SLC38A2: variants seen among roughly 807,000 people sequenced by gnomAD.
SLC38A2 encodes the protein sodium-coupled neutral amino acid symporter 2.
SLC38A2 carries 11 observed loss-of-function variants against 61.5 expected under a neutral mutation model. The ratio of observed to expected loss-of-function variants is 0.18; its 90% CI spans 0.11 to 0.30. The LOEUF (loss-of-function observed/expected upper bound fraction) is 0.30, where lower values mean the gene tolerates loss of function less well. Ranked by LOEUF, SLC38A2 falls within the 10% of genes least tolerant of loss-of-function variation. SLC38A2 has a pLI of 1.00. For missense variants in SLC38A2, 522 were observed against 600.4 expected, an observed-to-expected ratio of 0.87 and a Z score of 1.36; for synonymous variants, 217 against 212.5, an observed-to-expected ratio of 1.02 and a Z score of -0.18.
Position 46,371,309 on chromosome 12 carries a change from G to A in SLC38A2, c.-16C>T, listed in dbSNP as rs759021617. 5 of 1,602,510 alleles carry A rather than the reference G, an allele frequency of 3.1e-6. No homozygotes were observed. In the African/African-American group the frequency reaches 6.7e-5, roughly 21 times the overall value. ...CCTTCTTCATGCTAAGCACTGGGAG[G>A]AATCGGGTGCAGCTAGTAGCGCTGG... is the stretch of plus-strand genomic sequence containing the variant. On this transcript the variant is annotated 5_prime_UTR_variant, in exon 2 of 16. Transcript: ENST00000256689.
rs993649186 is a variant in SLC38A2, at chr12:46,372,742, G to A, written c.-320C>T. The stretch of plus-strand genomic sequence containing the variant: ...GGGCTGCTGCTAGCAGTACTGGAAA[G>A]GCGTTCTAAGGCGGCGGCGTCGCGC... On this transcript the variant is annotated 5_prime_UTR_variant, in exon 1 of 16. Transcript: ENST00000256689. 7.0e-5 allele frequency: 28 copies of A among 398,398 alleles called. No homozygotes were observed. The East Asian group carries it at 8.6e-4, about 12-fold the overall frequency. 24.7% of individuals were successfully genotyped at this position (398,398 alleles called of 1,614,324 possible).
intron 10 of SLC38A2, 56 bp downstream of exon 10, chr12:46,364,333 C>T (rs1289158269): frequency 6.7e-7 from 1 of 1,489,144 alleles, no homozygotes; most frequent in Non-Finnish European, 9.0e-7. Context: ...GAGTGAATAG[C>T]TTCCCTCTTT....
chr12:46,363,721 C>G lies in SLC38A2; in HGVS notation c.1054+5G>C, dbSNP rs201700228. 314 of 1,541,544 alleles carry G rather than the reference C, an allele frequency of 2.0e-4. No individual in the cohort carries two copies. In the African/African-American group the frequency reaches 3.2e-3, roughly 16 times the overall value. On this transcript the variant is annotated splice_donor_5th_base_variant and intron_variant, in intron 12 of 15. Coordinates refer to ENST00000256689, the MANE Select transcript of SLC38A2 (RefSeq NM_018976.5). ...TTTTGTTTTGGTAAAGGAGGCGTTA[C>G]TTACCGTAAAATGTTAGGTATCCAA...
At chr12:46,366,821 T>C in intron 7 of SLC38A2, 43 bp downstream of exon 7, 1 of 1,516,408 alleles carries the variant, frequency 6.6e-7, no homozygotes. Context: ...TAACCACTTT[T>C]GACTATAATT....
intron 4 of SLC38A2, among the ~76,000 whole-genome samples, chr12:46,369,710 CT>C (rs1943174478): frequency 6.6e-6 from 1 of 152,040 alleles, no homozygotes; most frequent in Non-Finnish European, 1.5e-5. Context: ...TGCTTTTTCC[CT>C]GGAAATAAGA....
Position 46,362,834 on chromosome 12 carries a change from T to C in SLC38A2, c.1179+187A>G, listed in dbSNP as rs745360635. 5 of 958,706 alleles carry C rather than the reference T, an allele frequency of 5.2e-6. No homozygotes were observed. In the African/African-American group the frequency reaches 6.7e-5, roughly 13 times the overall value. The allele number at this position is 958,706 out of a possible 1,614,324, so 59.4% of individuals were successfully genotyped here. A position where few individuals can be genotyped will look rare whatever the true frequency, so the allele number is the denominator to read the frequency against. ...CACTTAAAGATCATTTTATATCTTATGGTGAAAAAAATGTCCCCAGGGTAT... is the reference window on the plus strand; with the variant it reads ...CACTTAAAGATCATTTTATATCTTACGGTGAAAAAAATGTCCCCAGGGTAT... On this transcript the variant is annotated intron_variant, in intron 13 of 15. Transcript: ENST00000256689.
In SLC38A2 at chr12:46,367,075, C is replaced by T; in HGVS notation, c.481+1G>A. 6.2e-7 allele frequency: 1 copy of T among 1,613,596 alleles called. No individual in the cohort carries two copies. Among genetic ancestry groups the T allele is most frequent in the South Asian group, 1.1e-5 (1 of 91,048 alleles). On this transcript the variant is annotated splice_donor_variant, in intron 6 of 15. Coordinates refer to ENST00000256689, the MANE Select transcript of SLC38A2 (RefSeq NM_018976.5). LOFTEE classifies it high-confidence loss of function. ...CAAATAATCTTTTGAAAAATTCTTA[C>T]CTCCAATGTTCTGCATTGTAATTGA...
intron 4 of SLC38A2, among the ~76,000 whole-genome samples, chr12:46,368,698 TTC>T (rs1943164340): frequency 6.6e-6 from 1 of 152,194 alleles, no homozygotes; most frequent in South Asian, 2.1e-4. Context: ...TACACTACCA[TTC>T]TAAATGCCAG....
rs1458541708 is a variant in SLC38A2 at position 46,372,746 on chromosome 12, T to G, written c.-324A>C. 1 of 398,120 alleles carries G rather than the reference T, an allele frequency of 2.5e-6. No individual in the cohort carries two copies. Among genetic ancestry groups the G allele is most frequent in the African/African-American group, 2.1e-5 (1 of 48,568 alleles). 24.7% of individuals were successfully genotyped at this position (398,120 alleles called of 1,614,324 possible). A position where few individuals can be genotyped will look rare whatever the true frequency, so the allele number is the denominator to read the frequency against. The stretch of plus-strand genomic sequence containing the variant: ...TGCTGCTAGCAGTACTGGAAAGGCG[T>G]TCTAAGGCGGCGGCGTCGCGCGGCT... On this transcript the variant is annotated 5_prime_UTR_variant, in exon 1 of 16. Coordinates refer to ENST00000256689, the MANE Select transcript of SLC38A2 (RefSeq NM_018976.5).
chr12:46,371,789 A>G (rs1237909989), intron 1 of SLC38A2, among the ~76,000 whole-genome samples: 1 of 152,120 alleles, frequency 6.6e-6, no homozygotes, highest in African/African-American at 2.4e-5. Context: ...TTCCGTTTCT[A>G]GCATTTGGAA....
In SLC38A2 at chr12:46,365,697, G is replaced by GC. The variant is rs554337542; in HGVS notation, c.564-509dup. On this transcript the variant is annotated intron_variant, in intron 7 of 15. Transcript: ENST00000256689. ...TTTTCATAAAATGCACAGGCAAACT[G>GC]CCCCCCCCATAAAAAAAATTATAAA... 2.8e-3 allele frequency among the ~76,000 whole-genome samples: 430 copies of GC among 151,222 alleles called. 1 individual carries two copies. Among genetic ancestry groups the GC allele is most frequent in the African/African-American group, 8.6e-3 (354 of 41,208 alleles).
intron 4 of SLC38A2, 151 bp downstream of exon 4, chr12:46,370,361 A>C (rs1194903610): frequency 1.6e-6 from 1 of 626,670 alleles, no homozygotes; most frequent in African/African-American, 1.8e-5. Flanking sequence ...TAGTAGAATA[A>C]AGAGATTTTT....
chr12:46,371,465 T>A (rs1185289342), intron 1 of SLC38A2, 86 bp from the exon 2 acceptor site: 6 of 598,012 alleles, frequency 1.0e-5, no homozygotes, highest in African/African-American at 1.9e-5. Flanking sequence ...GCGCGGCTGA[T>A]TCATCCCAGG....
At position 46,371,321 on chromosome 12, in the gene SLC38A2, G is replaced by A. The variant is rs1234293033; in HGVS notation, c.-28C>T. ...TAAGCACTGGGAGGAATCGGGTGCA[G>A]CTAGTAGCGCTGGGCTCCTTTTGTC... On this transcript the variant is annotated 5_prime_UTR_variant, in exon 2 of 16. Coordinates refer to ENST00000256689, the MANE Select transcript of SLC38A2 (RefSeq NM_018976.5). The A allele has an allele frequency of 2.5e-6, 4 of 1,573,028 alleles. No individual in the cohort carries two copies. The highest frequency in any genetic ancestry group is 3.5e-6 in the Non-Finnish European group (4 of 1,142,922).
rs1184768043 is a variant in SLC38A2, at chr12:46,360,866, T to C, written c.*245A>G. ...GTCCATTCTCTGGAATGGAATAAAA[T>C]TGTCACTTCCCTTAACCCGAGACTC... On this transcript the variant is annotated 3_prime_UTR_variant, in exon 16 of 16. Coordinates refer to ENST00000256689, the MANE Select transcript of SLC38A2 (RefSeq NM_018976.5). The C allele has an allele frequency of 1.8e-5, 8 of 444,124 alleles. No homozygotes were observed. Among genetic ancestry groups the C allele is most frequent in the South Asian group, 4.7e-5 (1 of 21,326 alleles). 27.5% of individuals were successfully genotyped at this position (444,124 alleles called of 1,614,324 possible).
chr12:46,362,191 C>A, intron 15 of SLC38A2, 93 bp downstream of exon 15: 1 of 1,020,980 alleles, frequency 9.8e-7, no homozygotes, highest in East Asian at 2.8e-5. Context: ...AAAGTGAAAC[C>A]ATAACAAATA....
At chr12:46,364,912 G>A in intron 8 of SLC38A2, 195 bp downstream of exon 8, 4 of 677,534 alleles carry the variant, frequency 5.9e-6, no homozygotes, top group Non-Finnish European at 7.4e-6. Flanking sequence ...ACTATCATTT[G>A]CATTATTTCT....
At position 46,366,952 on chromosome 12, in the gene SLC38A2, G is replaced by A. The variant is rs758011344; in HGVS notation, c.482-7C>T. 17 of 1,613,168 alleles carry A rather than the reference G, an allele frequency of 1.1e-5. No individual in the cohort carries two copies. The highest frequency in any genetic ancestry group is 1.4e-5 in the Non-Finnish European group (17 of 1,179,702). On this transcript the variant is annotated splice_region_variant and splice_polypyrimidine_tract_variant and intron_variant, in intron 6 of 15. Transcript: ENST00000256689. ...AAGAGGTAGCTTGACATAGCTGGAG[G>A]AAAACAAAATTATACCATTACAAGT...
chr12:46,361,280 T>A (rs1169662117), intron 15 of SLC38A2, 71 bp from the exon 16 acceptor site: 3 of 1,250,994 alleles, frequency 2.4e-6, no homozygotes. Context: ...TTCTATTTTT[T>A]GAAATGTGCT....
Sources: allele counts gnomAD v4.1 joint callset (sites outside exome capture counted in the v4.1 genomes callset), GRCh38; gene constraint gnomAD v4.1.1; transcripts MANE v1.5; gene names NCBI Gene and HGNC (gene_info 2026-07-23, HGNC 2026-07-21).